Variants in ANKAR observed in about 807,000 individuals in gnomAD.
ANKAR encodes ankyrin and armadillo repeat containing.
In ANKAR, 136 loss-of-function variants were observed where a neutral mutation model predicts 146.2. The ratio of observed to expected loss-of-function variants is 0.93; its 90% CI spans 0.81 to 1.07. The LOEUF (loss-of-function observed/expected upper bound fraction) is 1.07. Ranked by LOEUF, ANKAR falls within the 50% of genes least tolerant of loss-of-function variation. The probability of loss-of-function intolerance (pLI) is 0.00; values close to 1 mark genes in which losing one functional copy is unlikely to be tolerated. For synonymous variants in ANKAR, 500 were observed against 575.8 expected (o/e 0.87, Z 1.88); for missense variants, 1,567 against 1,679.9 (o/e 0.93, Z 1.18).
chr2:189,728,911 A>T, intron 15 of ANKAR, 90 bp downstream of exon 15: 3 of 1,269,262 alleles, frequency 2.4e-6, no homozygotes, highest in Non-Finnish European at 3.3e-6. Flanking sequence ...CTTCCTCTCT[A>T]TCCCCACTGT....
chr2:189,697,890 A>G (rs766893634), intron 7 of ANKAR, among the ~76,000 whole-genome samples: 25 of 7,870 alleles, frequency 3.2e-3, no homozygotes, highest in Non-Finnish European at 8.5e-3. Context: ...TCTGCTTTTA[A>G]TGCGTTGTCA....
At chr2:189,721,105 A>C (rs1966729) in intron 12 of ANKAR, among the ~76,000 whole-genome samples, 38,676 of 151,996 alleles carry the variant, frequency 0.25, 5,548 homozygotes, top group African/African-American at 0.39. Flanking sequence ...CTTCTGTCTT[A>C]GCCTCCTGAG....
At chr2:189,704,578 T>TATAA (rs1559088842) in intron 7 of ANKAR, among the ~76,000 whole-genome samples, 2 of 122,000 alleles carry the variant, frequency 1.6e-5, no homozygotes, top group African/African-American at 3.1e-5. Flanking sequence ...TATATATATA[T>TATAA]ATATATATAT....
intron 12 of ANKAR, among the ~76,000 whole-genome samples, chr2:189,726,857 G>T (rs1019811617): frequency 1.5e-4 from 23 of 151,962 alleles, no homozygotes; most frequent in Admixed American, 1.5e-3. Context: ...CTCAAATTTA[G>T]AAAAGTAAAT....
Position 189,743,475 on chromosome 2 carries a change from G to A in ANKAR, c.4010+1G>A. 1.2e-6 allele frequency: 2 copies of A among 1,612,098 alleles called. No individual in the cohort carries two copies. The highest frequency in any genetic ancestry group is 1.7e-6 in the Non-Finnish European group (2 of 1,178,716). On this transcript the variant is annotated splice_donor_variant, in intron 21 of 22. Coordinates refer to ENST00000684021, the MANE Select transcript of ANKAR (RefSeq NM_001378068.1). LOFTEE classifies it high-confidence loss of function. ...CACTGGTGGGACTTCCTTCCTTAAGGTATGGTCCTATGTTAGAAGTTGCAG... is the reference window on the plus strand; with the variant it reads ...CACTGGTGGGACTTCCTTCCTTAAGATATGGTCCTATGTTAGAAGTTGCAG...
chr2:189,691,538 G>T (rs984441627), intron 3 of ANKAR, among the ~76,000 whole-genome samples: 1 of 151,768 alleles, frequency 6.6e-6, no homozygotes, highest in Non-Finnish European at 1.5e-5. Context: ...AGAGTTTCTG[G>T]TCCTTTCTTA....
At chr2:189,761,754 T>G (rs2047091249), downstream of ANKAR, 14 of 1,336,164 alleles carry the variant, frequency 1.0e-5, no homozygotes, top group Non-Finnish European at 1.4e-5. Flanking sequence ...CAGGAAAGTT[T>G]GTAAAAGTCA....
chr2:189,721,128 C>T lies in ANKAR; in HGVS notation c.2635+341C>T, dbSNP rs1002276267. On this transcript the variant is annotated intron_variant, in intron 12 of 22. Coordinates refer to ENST00000684021, the MANE Select transcript of ANKAR (RefSeq NM_001378068.1). ...TTAGCCTCCTGAGTAGCTGGGATTA[C>T]AGGCATGCACCACCACGTCCGGCTA... Among the ~76,000 whole-genome samples the T allele has an allele frequency of 2.6e-5, 4 of 152,154 alleles. No individual in the cohort carries two copies. In the East Asian group the frequency reaches 7.7e-4, roughly 29 times the overall value.
chr2:189,696,974 G>C (rs367589474), intron 7 of ANKAR, among the ~76,000 whole-genome samples: 1 of 152,032 alleles, frequency 6.6e-6, no homozygotes, highest in Non-Finnish European at 1.5e-5. Flanking sequence ...AACTTTAAAA[G>C]CTATTTTTGT....
chr2:189,683,202 C>T (rs538575152), intron 2 of ANKAR, among the ~76,000 whole-genome samples: 12 of 152,268 alleles, frequency 7.9e-5, no homozygotes, highest in African/African-American at 2.6e-4. Context: ...ATTTTCTATT[C>T]TTTATAAGCT....
At chr2:189,745,018 C>CTAATAA (rs1480352634) in intron 22 of ANKAR, among the ~76,000 whole-genome samples, 10 of 53,870 alleles carry the variant, frequency 1.9e-4, no homozygotes, top group Non-Finnish European at 4.8e-4. Context: ...ACTACTACTA[C>CTAATAA]TACTACTACT....
intron 12 of ANKAR, among the ~76,000 whole-genome samples, chr2:189,724,224 ACT>A (rs1039772677): frequency 3.9e-5 from 6 of 151,938 alleles, no homozygotes; most frequent in Admixed American, 2.0e-4. Context: ...TTTCCCCCAC[ACT>A]CTCTTAATTT....
At chr2:189,692,910 C>T in intron 4 of ANKAR, 164 bp from the exon 5 acceptor site, 3 of 399,972 alleles carry the variant, frequency 7.5e-6, no homozygotes, top group Non-Finnish European at 1.4e-5. Flanking sequence ...ATTTTTTCCT[C>T]ATTCTCAAAG....
intron 17 of ANKAR, 98 bp from the exon 18 acceptor site, chr2:189,737,585 G>T (rs1242101624): frequency 9.3e-7 from 1 of 1,070,890 alleles, no homozygotes; most frequent in Non-Finnish European, 1.3e-6. Context: ...CCAGTGATAA[G>T]AATGCAATAT....
At chr2:189,702,193 C>T (rs1310547770) in intron 7 of ANKAR, among the ~76,000 whole-genome samples, 3 of 152,138 alleles carry the variant, frequency 2.0e-5, no homozygotes, top group African/African-American at 7.2e-5. Flanking sequence ...AGTAGTTTCT[C>T]TTGAGAGCAG....
chr2:189,679,164 GTATTT>G (rs2034240600), intron 2 of ANKAR, among the ~76,000 whole-genome samples: 1 of 152,170 alleles, frequency 6.6e-6, no homozygotes, highest in Middle Eastern at 3.4e-3. Flanking sequence ...ATATTCCTAA[GTATTT>G]TATTTTATGT....
chr2:189,739,411 G>A (rs1247568949), intron 19 of ANKAR, among the ~76,000 whole-genome samples: 2 of 151,788 alleles, frequency 1.3e-5, no homozygotes, highest in African/African-American at 2.4e-5. Flanking sequence ...TGGCAAGGAA[G>A]GAAAAATGAA....
intron 1 of ANKAR, among the ~76,000 whole-genome samples, chr2:189,675,429 C>T (rs1404227082): frequency 1.3e-5 from 2 of 151,856 alleles, no homozygotes; most frequent in South Asian, 2.1e-4. Context: ...CCCAGGCCAC[C>T]GCAACCTCCG....
intron 12 of ANKAR, 123 bp from the exon 13 acceptor site, chr2:189,727,733 C>G: frequency 8.0e-7 from 1 of 1,246,292 alleles, no homozygotes; most frequent in Non-Finnish European, 1.1e-6. Flanking sequence ...TTCTATTTTT[C>G]TTTATTTTCT....
Sources: allele counts gnomAD v4.1 joint callset (sites outside exome capture counted in the v4.1 genomes callset), GRCh38; gene constraint gnomAD v4.1.1; transcripts MANE v1.5; gene names NCBI Gene and HGNC (gene_info 2026-07-23, HGNC 2026-07-21).